IGSF10: variants seen among roughly 807,000 people sequenced by gnomAD.
IGSF10 encodes immunoglobulin superfamily member 10, also known as calvaria mechanical force protein 608.
Under a neutral mutation model 128.2 loss-of-function variants are expected in IGSF10, and 126 were observed. The ratio of observed to expected loss-of-function variants is 0.98; its 90% CI spans 0.85 to 1.14. The LOEUF (loss-of-function observed/expected upper bound fraction) is 1.14. Among genes scored for constraint, IGSF10 ranks in the 50% most tolerant of loss-of-function variants. The probability of loss-of-function intolerance (pLI) is 0.00; values close to 1 mark genes in which losing one functional copy is unlikely to be tolerated. For missense variants in IGSF10, 3,295 were observed against 3,149.8 expected, an observed-to-expected ratio of 1.05 and a Z score of -1.10; for synonymous variants, 1,185 against 1,146.2, an observed-to-expected ratio of 1.03 and a Z score of -0.68.
chr3:151,511,628 A>G, the IGSF10 span, among the ~76,000 whole-genome samples: 3 of 152,178 alleles, frequency 2.0e-5, no homozygotes, highest in African/African-American at 7.2e-5. Flanking sequence ...CTAACCTTAA[A>G]TGTAAATGGG....
chr3:151,561,277 A>C, the IGSF10 span, among the ~76,000 whole-genome samples: 11 of 152,180 alleles, frequency 7.2e-5, no homozygotes, highest in Admixed American at 7.2e-4. Context: ...TTCTTGCTAA[A>C]GTAAAGGGAG....
At chr3:151,470,538 C>A in the IGSF10 span, among the ~76,000 whole-genome samples, 1 of 152,158 alleles carries the variant, frequency 6.6e-6, no homozygotes, top group South Asian at 2.1e-4. Context: ...CAGTCATGAG[C>A]AGGCTGTTGG....
the IGSF10 span, among the ~76,000 whole-genome samples, chr3:151,482,204 A>G: frequency 6.6e-6 from 1 of 152,218 alleles, no homozygotes; most frequent in African/African-American, 2.4e-5. Flanking sequence ...AAGAAATGAA[A>G]ATTTATAAAT....
Position 151,438,228 on chromosome 3 carries a change from T to C in IGSF10, c.6333A>G (p.Val2111=), listed in dbSNP as rs747106942. The stretch of plus-strand genomic sequence containing the variant: ...AGCAAGTATAATCTCCTTCCTCCGC[T>C]ACCCCAACTTTGTTGAAGTATAAAG... The part of the protein sequence containing the change: ...NGTLYFNKVG[V]AEEGDYTCYA... Residue 2111 remains valine, a synonymous_variant, in exon 8 of 8, where the codon GTA becomes GTG. Transcript: ENST00000282466. 6.2e-7 allele frequency: 1 copy of C among 1,614,222 alleles called. No individual in the cohort carries two copies. The highest frequency in any genetic ancestry group is 1.1e-5 in the South Asian group (1 of 91,088).
At position 151,453,565 on chromosome 3, in the gene IGSF10, G is replaced by A. The variant is rs1247473867; in HGVS notation, c.534C>T (p.Tyr178=). The A allele has an allele frequency of 1.2e-6, 2 of 1,613,726 alleles. No homozygotes were observed. Among genetic ancestry groups the A allele is most frequent in the African/African-American group, 1.3e-5 (1 of 74,896 alleles). Residue 178 remains tyrosine (Y), a synonymous_variant, in exon 5 of 8, where the codon TAC becomes TAT. Coordinates refer to ENST00000282466, the MANE Select transcript of IGSF10 (RefSeq NM_178822.5). The part of the protein sequence containing the change: ...LHPDTFVSLS[Y]LQIFKISFIK... ...TGAAAGAGATTTTAAATATCTGGAGGTAGCTCAAAGAGACAAATGTATCTG... is the reference window on the plus strand; with the variant it reads ...TGAAAGAGATTTTAAATATCTGGAGATAGCTCAAAGAGACAAATGTATCTG...
Position 151,443,731 on chromosome 3 carries a change from G to C in IGSF10, c.5216C>G (p.Ser1739Cys), listed in dbSNP as rs1354871359. 6.2e-7 allele frequency: 1 copy of C among 1,614,046 alleles called. No individual in the cohort carries two copies. Among genetic ancestry groups the C allele is most frequent in the Non-Finnish European group, 8.5e-7 (1 of 1,180,048 alleles). ...GATCCTGGGAGGATAGGAAACCACA[G>C]ACAAGGTGACATGAAGGTGGTCTGT... is the stretch of plus-strand genomic sequence containing the variant. Reference protein sequence around the residue: ...FGTDHLHVTLSVVSYPPRILE... With the variant: ...FGTDHLHVTLCVVSYPPRILE... Residue 1739 changes from serine (S) to cysteine (C), a missense_variant, in exon 7 of 8, where the codon TCT becomes TGT. By Grantham distance (112) the Ser-to-Cys change is moderately radical. Transcript: ENST00000282466.
At chr3:151,616,326 A>G in the IGSF10 span, among the ~76,000 whole-genome samples, 1 of 152,208 alleles carries the variant, frequency 6.6e-6, no homozygotes, top group Non-Finnish European at 1.5e-5. Flanking sequence ...CATCCAACAT[A>G]TATTTCAGTC....
the IGSF10 span, among the ~76,000 whole-genome samples, chr3:151,597,458 C>T: frequency 6.6e-6 from 1 of 152,314 alleles, no homozygotes; most frequent in South Asian, 2.1e-4. Flanking sequence ...AGAAGAACAT[C>T]CCTGGCATAA....
At chr3:151,512,030 C>T in the IGSF10 span, among the ~76,000 whole-genome samples, 5 of 152,088 alleles carry the variant, frequency 3.3e-5, no homozygotes, top group African/African-American at 1.2e-4. Flanking sequence ...CTTTAACACC[C>T]CACTGTCAAC....
intron 6 of IGSF10, among the ~76,000 whole-genome samples, chr3:151,444,296 C>A (rs1721053315): frequency 6.6e-6 from 1 of 151,968 alleles, no homozygotes; most frequent in Middle Eastern, 3.2e-3. Context: ...AAAATTATTC[C>A]TGGATTATTT....
the IGSF10 span, among the ~76,000 whole-genome samples, chr3:151,556,484 C>A: frequency 1.1e-4 from 16 of 151,324 alleles, no homozygotes; most frequent in Admixed American, 2.6e-4. Flanking sequence ...TGAAGTCATG[C>A]AAAAAATGGA....
At chr3:151,463,544 TTTTTTTTTTTTTTTTTTC>T (rs1560185558), upstream of IGSF10, among the ~76,000 whole-genome samples, 1 of 105,584 alleles carries the variant, frequency 9.5e-6, no homozygotes, top group African/African-American at 3.8e-5. Context: ...TTTTTTTTTT[TTTTTTTTTTTTTTTTTTC>T]TGAGACGGAG....
the IGSF10 span, among the ~76,000 whole-genome samples, chr3:151,535,429 T>C: frequency 1.3e-5 from 2 of 152,124 alleles, no homozygotes; most frequent in African/African-American, 4.8e-5. Flanking sequence ...GACATGAAGA[T>C]GGCAAAAATA....
At chr3:151,598,907 A>T in the IGSF10 span, among the ~76,000 whole-genome samples, 5 of 152,192 alleles carry the variant, frequency 3.3e-5, no homozygotes, top group Non-Finnish European at 7.3e-5. Flanking sequence ...GTGAGTTCCT[A>T]CTGTGTTCCA....
At chr3:151,474,723 G>T in the IGSF10 span, among the ~76,000 whole-genome samples, 1 of 152,196 alleles carries the variant, frequency 6.6e-6, no homozygotes, top group African/African-American at 2.4e-5. Flanking sequence ...GAAGAAAGAG[G>T]TTTAATTGGA....
Position 151,460,348 on chromosome 3 carries a change from C to T in IGSF10, c.-88-1G>A, listed in dbSNP as rs980612540. The stretch of plus-strand genomic sequence containing the variant: ...AGGAAATGGAAAATTGTGTCCAAAC[C>T]TGAGGGAGGAAAAGTTCTCTGCTCC... On this transcript the variant is annotated splice_acceptor_variant, in intron 1 of 7. Transcript: ENST00000282466. LOFTEE classifies it low-confidence loss of function (5UTR_SPLICE). 1.1e-5 allele frequency: 11 copies of T among 962,206 alleles called. No individual in the cohort carries two copies. Among genetic ancestry groups the T allele is most frequent in the Non-Finnish European group, 1.4e-5 (11 of 808,824 alleles). The allele number at this position is 962,206 out of a possible 1,614,324, so 59.6% of individuals were successfully genotyped here. A position where few individuals can be genotyped will look rare whatever the true frequency, so the allele number is the denominator to read the frequency against.
upstream of IGSF10, among the ~76,000 whole-genome samples, chr3:151,465,622 C>T (rs888455192): frequency 6.6e-6 from 1 of 152,102 alleles, no homozygotes; most frequent in African/African-American, 2.4e-5. Flanking sequence ...TGTATTTTCT[C>T]AAATGGGAAA....
At chr3:151,577,390 T>C in the IGSF10 span, among the ~76,000 whole-genome samples, 4 of 152,288 alleles carry the variant, frequency 2.6e-5, no homozygotes, top group South Asian at 8.3e-4. Flanking sequence ...CTTACAATGC[T>C]ATATAATCCT....
rs141846864 is a variant in IGSF10, at chr3:151,438,083, C to T, written c.6478G>A (p.Val2160Ile). ...NKRIKAGDTA[V>I]LDCEVTGDPK... Reference sequence around the variant, plus strand: ...TCCCCAGTGACCTCACAGTCAAGGACAGCTGTGTCTCCAGCTTTGATTCTC... The same window carrying T: ...TCCCCAGTGACCTCACAGTCAAGGATAGCTGTGTCTCCAGCTTTGATTCTC... The change falls in exon 8 of 8, where the codon GTC becomes ATC. Residue 2160 changes from valine (V) to isoleucine (I), a missense_variant. Transcript: ENST00000282466. The T allele has an allele frequency of 5.6e-6, 9 of 1,614,108 alleles. No individual in the cohort carries two copies. The highest frequency in any genetic ancestry group is 5.3e-5 in the African/African-American group (4 of 74,946).
Sources: gnomAD v4.1 joint callset for allele counts (sites outside exome capture counted in the v4.1 genomes callset) on GRCh38, gnomAD v4.1.1 for gene constraint, MANE v1.5 for transcripts, NCBI Gene and HGNC (gene_info 2026-07-23, HGNC 2026-07-21) for gene names.